The following ITPK1 variants were observed in gnomAD, a reference collection of about 807,000 sequenced individuals.
ITPK1 encodes the protein inositol 1,3,4-trisphosphate 5/6-kinase.
ITPK1 carries 21 observed loss-of-function variants against 45.3 expected under a neutral mutation model. The ratio of observed to expected loss-of-function variants is 0.46; its 90% CI spans 0.33 to 0.67. ITPK1 has a LOEUF of 0.67. Ranked by LOEUF, ITPK1 falls within the 30% of genes least tolerant of loss-of-function variation. The probability of loss-of-function intolerance (pLI) is 0.02; values close to 1 mark genes in which losing one functional copy is unlikely to be tolerated. For missense variants in ITPK1, 474 were observed against 573.5 expected, an observed-to-expected ratio of 0.83 and a Z score of 1.77; for synonymous variants, 258 against 253.6, an observed-to-expected ratio of 1.02 and a Z score of -0.16.
At chr14:93,101,093 A>G (rs1268622918) in intron 2 of ITPK1, among the ~76,000 whole-genome samples, 3 of 152,122 alleles carry the variant, frequency 2.0e-5, no homozygotes, top group Non-Finnish European at 2.9e-5. Flanking sequence ...AAAATAACTC[A>G]TCCTGGCCGG....
At chr14:93,004,565 TGA>T (rs1887515616) in intron 4 of ITPK1, among the ~76,000 whole-genome samples, 1 of 151,738 alleles carries the variant, frequency 6.6e-6, no homozygotes, top group Non-Finnish European at 1.5e-5. Flanking sequence ...TGTGTGTGTA[TGA>T]GTGTGAGAGC....
chr14:92,961,721 T>G (rs915955970), intron 7 of ITPK1, among the ~76,000 whole-genome samples: 1 of 152,162 alleles, frequency 6.6e-6, no homozygotes, highest in Admixed American at 6.5e-5. Context: ...AGCTCCCCTA[T>G]GGACTGAACG....
chr14:93,110,188 C>T (rs1170614739), intron 2 of ITPK1, among the ~76,000 whole-genome samples: 1 of 152,084 alleles, frequency 6.6e-6, no homozygotes. Flanking sequence ...CACACGGACG[C>T]TTCCTCCTAT....
chr14:93,013,622 G>A (rs1050380127), intron 4 of ITPK1, among the ~76,000 whole-genome samples: 6 of 152,200 alleles, frequency 3.9e-5, no homozygotes, highest in Admixed American at 6.5e-5. Context: ...CTGAGTCCCT[G>A]CTGGGGCAAA....
intron 5 of ITPK1, among the ~76,000 whole-genome samples, chr14:92,968,217 C>T (rs954452754): frequency 6.6e-6 from 1 of 151,942 alleles, no homozygotes; most frequent in Admixed American, 6.5e-5. Context: ...GTAATCCCAG[C>T]GACTCGGGGA....
intron 2 of ITPK1, among the ~76,000 whole-genome samples, chr14:93,108,795 T>C (rs1892623852): frequency 6.6e-6 from 1 of 152,168 alleles, no homozygotes; most frequent in Non-Finnish European, 1.5e-5. Context: ...GGCAGATCAA[T>C]TGAGGCCAGG....
intron 4 of ITPK1, among the ~76,000 whole-genome samples, chr14:92,996,440 G>T (rs747727114): frequency 7.2e-6 from 1 of 139,508 alleles, no homozygotes; most frequent in Non-Finnish European, 1.6e-5. Context: ...TCGCGGGGTG[G>T]GGGGAGGGGG....
chr14:92,965,245 A>G (rs750287126), intron 5 of ITPK1, among the ~76,000 whole-genome samples: 14 of 152,264 alleles, frequency 9.2e-5, no homozygotes, highest in Non-Finnish European at 1.8e-4. Context: ...GCAATACACC[A>G]TATCAATAGA....
chr14:92,959,394 G>A (rs11625662), intron 7 of ITPK1, among the ~76,000 whole-genome samples: 16,162 of 152,296 alleles, frequency 0.11, 1,021 homozygotes, highest in East Asian at 0.23. Flanking sequence ...AGCTGTCACG[G>A]AGCGCCGGCC....
At position 93,115,323 on chromosome 14, in the gene ITPK1, G is replaced by A. The variant is rs1359335927; in HGVS notation, c.-142-18C>T. The A allele has an allele frequency of 3.3e-6, 1 of 302,362 alleles. No homozygotes were observed. The highest frequency in any genetic ancestry group is 6.0e-6 in the Non-Finnish European group (1 of 166,986). 18.7% of individuals were successfully genotyped at this position (302,362 alleles called of 1,614,324 possible). On this transcript the variant is annotated intron_variant, in intron 1 of 10. Transcript: ENST00000267615. ...GCGCAGTCCTGCCGCGCGGAGCGGA[G>A]CGGGGCGGGGCGCGGCGGGCGGCCG...
intron 2 of ITPK1, among the ~76,000 whole-genome samples, chr14:93,105,367 G>A (rs1892478575): frequency 6.6e-6 from 1 of 152,140 alleles, no homozygotes; most frequent in African/African-American, 2.4e-5. Context: ...GGTCTTCTGA[G>A]GCACTTCATG....
Position 93,008,631 on chromosome 14 carries a change from C to T in ITPK1, c.246+8045G>A, listed in dbSNP as rs545533886. Among the ~76,000 whole-genome samples, 6 of 152,310 alleles carry T rather than the reference C, an allele frequency of 3.9e-5. No homozygotes were observed. The East Asian group carries it at 9.7e-4, about 25-fold the overall frequency. On this transcript the variant is annotated intron_variant, in intron 4 of 10. Coordinates refer to ENST00000267615, the MANE Select transcript of ITPK1 (RefSeq NM_014216.6). ...GGCCGAGGTCAGCAGAGGCCCAGCGCGTGGTTTACCCGGCCGGCTGTGCTC... is the reference window on the plus strand; with the variant it reads ...GGCCGAGGTCAGCAGAGGCCCAGCGTGTGGTTTACCCGGCCGGCTGTGCTC...
chr14:92,942,159 C>T (rs1348498008), intron 10 of ITPK1, among the ~76,000 whole-genome samples: 1 of 152,214 alleles, frequency 6.6e-6, no homozygotes, highest in Non-Finnish European at 1.5e-5. Context: ...AGAACCTGAG[C>T]TGAGGATGAA....
intron 4 of ITPK1, among the ~76,000 whole-genome samples, chr14:93,007,246 A>G (rs1366330025): frequency 1.3e-5 from 2 of 152,200 alleles, no homozygotes. Context: ...GCACCTGCTC[A>G]GGTGGGCCTA....
chr14:93,040,461 A>C (rs1740596), intron 3 of ITPK1, among the ~76,000 whole-genome samples: 98,616 of 152,098 alleles, frequency 0.65, 33,534 homozygotes, highest in African/African-American at 0.88. Context: ...GAATGAGGTC[A>C]AGGCCCCTGG....
intron 2 of ITPK1, among the ~76,000 whole-genome samples, chr14:93,101,776 G>A (rs1180707907): frequency 6.6e-6 from 1 of 152,216 alleles, no homozygotes; most frequent in Non-Finnish European, 1.5e-5. Flanking sequence ...CTTGAATCCA[G>A]GAGGTGGAGG....
At chr14:93,091,701 A>G (rs1375587783) in intron 2 of ITPK1, among the ~76,000 whole-genome samples, 1 of 152,188 alleles carries the variant, frequency 6.6e-6, no homozygotes, top group Non-Finnish European at 1.5e-5. Flanking sequence ...CAGTGTCACC[A>G]GCTCCTCCCC....
At chr14:93,103,500 C>T (rs1241228125) in intron 2 of ITPK1, among the ~76,000 whole-genome samples, 2 of 152,136 alleles carry the variant, frequency 1.3e-5, no homozygotes, top group East Asian at 3.9e-4. Context: ...TGGGCAAGAG[C>T]TCCCAGTGGT....
In ITPK1 at chr14:92,958,944, G is replaced by A. The variant is rs192613496; in HGVS notation, c.505-578C>T. ...ACAACCTTTCACAGATGAGGACGAT[G>A]AGGCGCTGAGAGGTTCAGTGACTGC... On this transcript the variant is annotated intron_variant, in intron 7 of 10. Coordinates refer to ENST00000267615, the MANE Select transcript of ITPK1 (RefSeq NM_014216.6). The surrounding 1 kb of genome is among the most constrained non-coding windows in gnomAD (Gnocchi z 4.4). 6.6e-6 allele frequency among the ~76,000 whole-genome samples: 1 copy of A among 152,314 alleles called. No homozygotes were observed. Among genetic ancestry groups the A allele is most frequent in the East Asian group, 1.9e-4 (1 of 5,178 alleles).
Sources: gnomAD v4.1 joint callset for allele counts (sites outside exome capture counted in the v4.1 genomes callset) on GRCh38, gnomAD v4.1.1 for gene constraint, Gnocchi (gnomAD v3.1) non-coding constraint, MANE v1.5 for transcripts, NCBI Gene and HGNC (gene_info 2026-07-23, HGNC 2026-07-21) for gene names.